The following IST1 variants were observed in gnomAD, a reference collection of about 807,000 sequenced individuals.
The protein encoded by IST1 is IST1 homolog.
A neutral mutation model predicts 37.0 loss-of-function variants in IST1; 23 were observed. That is an observed-to-expected ratio of 0.62 (90% CI 0.45 to 0.88). The LOEUF (loss-of-function observed/expected upper bound fraction) is 0.88, where lower values mean the gene tolerates loss of function less well. IST1 is among the 40% of genes least tolerant of loss of function. IST1 has a pLI of 0.00. For synonymous variants in IST1, 180 were observed against 161.7 expected (o/e 1.11, Z -0.86); for missense variants, 488 against 445.4 (o/e 1.10, Z -0.86).
intron 9 of IST1, among the ~76,000 whole-genome samples, chr16:71,926,495 C>CA (rs1248342382): frequency 2.6e-5 from 4 of 151,950 alleles, no homozygotes; most frequent in Non-Finnish European, 5.9e-5. Context: ...AGGCATCCCC[C>CA]ACCACGCCTG....
intron 1 of IST1, among the ~76,000 whole-genome samples, chr16:71,906,504 G>A (rs1397489524): frequency 2.6e-5 from 4 of 151,318 alleles, no homozygotes; most frequent in Admixed American, 1.3e-4. Flanking sequence ...TCGTAGAGAC[G>A]GGGTTTCACC....
rs781549292 is a variant in IST1 at position 71,913,716 on chromosome 16, G to A, written c.-15-1910G>A. On this transcript the variant is annotated intron_variant, in intron 1 of 9. Transcript: ENST00000378799. ...GGGTTTCTCCATGTTGCCTAGGCTC[G>A]TCTTGAACTCATGGGCTCAAGCAGT... 2.2e-4 allele frequency among the ~76,000 whole-genome samples: 33 copies of A among 151,322 alleles called. 1 individual carries two copies. Among genetic ancestry groups the A allele is most frequent in the Admixed American group, 1.8e-3 (27 of 15,156 alleles).
intron 9 of IST1, among the ~76,000 whole-genome samples, chr16:71,925,154 A>T (rs1435762370): frequency 6.6e-6 from 1 of 150,474 alleles, no homozygotes; most frequent in East Asian, 2.0e-4. Context: ...CTGGGACTAC[A>T]GGCGCCCGCC....
chr16:71,923,521 T>C (rs2037661169), intron 8 of IST1, 141 bp downstream of exon 8: 4 of 524,588 alleles, frequency 7.6e-6, no homozygotes, highest in Non-Finnish European at 1.4e-5. Context: ...TTGTGTTGCT[T>C]TATAACACTA....
intron 1 of IST1, among the ~76,000 whole-genome samples, chr16:71,915,012 G>T (rs2037437613): frequency 6.6e-6 from 1 of 152,150 alleles, no homozygotes; most frequent in South Asian, 2.1e-4. Flanking sequence ...TTGTAGAGCA[G>T]TGTTTTCCTT....
In IST1 at chr16:71,924,642, G is replaced by C. The variant is rs929643168; in HGVS notation, c.853-127G>C. On this transcript the variant is annotated intron_variant, in intron 8 of 9. Coordinates refer to ENST00000378799, the MANE Select transcript of IST1 (RefSeq NM_001270975.2). ...CCTGATTGGAAAAAATGCAGGGGCA[G>C]TTTCTTTGGAACAGGCTCTGTTGCA... The C allele has an allele frequency of 4.1e-6, 3 of 735,504 alleles. No individual in the cohort carries two copies. The African/African-American group carries it at 5.2e-5, about 13-fold the overall frequency. The allele number at this position is 735,504 out of a possible 1,614,324, so 45.6% of individuals were successfully genotyped here. A position where few individuals can be genotyped will look rare whatever the true frequency, so the allele number is the denominator to read the frequency against.
In IST1 at chr16:71,920,724, CCTTTTT is replaced by C; in HGVS notation, c.358-8_358-3del. ...AGTGGTCTCTATTTTTATTTGCTGT[CCTTTTT>C]CTTTTTAGGTTGCTGATCAGCTCTG... is the stretch of plus-strand genomic sequence containing the variant. On this transcript the variant is annotated splice_polypyrimidine_tract_variant and intron_variant, in intron 4 of 9. Coordinates refer to ENST00000378799, the MANE Select transcript of IST1 (RefSeq NM_001270975.2). 1 of 1,604,152 alleles carries C rather than the reference CCTTTTT, an allele frequency of 6.2e-7. No homozygotes were observed. The highest frequency in any genetic ancestry group is 8.5e-7 in the Non-Finnish European group (1 of 1,171,076).
intron 9 of IST1, among the ~76,000 whole-genome samples, chr16:71,927,305 C>G (rs770803305): frequency 2.6e-5 from 4 of 151,834 alleles, no homozygotes; most frequent in South Asian, 2.1e-4. Context: ...CAAGGCCAAC[C>G]TGGTGAAACC....
chr16:71,917,208 C>T (rs771937643), intron 4 of IST1, 74 bp downstream of exon 4: 1 of 865,738 alleles, frequency 1.2e-6, no homozygotes, highest in South Asian at 1.5e-5. Context: ...TAAGTTACTT[C>T]TGCTGATTTG....
At chr16:71,916,389 G>C (rs1597248708) in intron 2 of IST1, 73 bp from the exon 3 acceptor site, 1 of 1,433,074 alleles carries the variant, frequency 7.0e-7, no homozygotes, top group African/African-American at 1.4e-5. Flanking sequence ...TCTTCCTGTT[G>C]GGGGGAGATT....
chr16:71,904,847 T>G (rs2037184780), intron 1 of IST1, among the ~76,000 whole-genome samples: 1 of 152,238 alleles, frequency 6.6e-6, no homozygotes. Flanking sequence ...TCACAATATC[T>G]GTCTTTTAAT....
At chr16:71,926,507 C>T (rs2037747104) in intron 9 of IST1, among the ~76,000 whole-genome samples, 1 of 151,904 alleles carries the variant, frequency 6.6e-6, no homozygotes, top group African/African-American at 2.4e-5. Context: ...CCACGCCTGG[C>T]TAATTTTTTT....
Position 71,911,937 on chromosome 16 carries a change from C to T in IST1, c.-15-3689C>T, listed in dbSNP as rs376905387. Among the ~76,000 whole-genome samples the T allele has an allele frequency of 2.0e-5, 3 of 151,896 alleles. No homozygotes were observed. In the East Asian group the frequency reaches 5.8e-4, roughly 30 times the overall value. On this transcript the variant is annotated intron_variant, in intron 1 of 9. Coordinates refer to ENST00000378799, the MANE Select transcript of IST1 (RefSeq NM_001270975.2). ...TTCACCATGTTGCCCGGGCTGGTCTCACTCCTGAGCTCAAGTCTCTGCCTC... is the reference window on the plus strand; with the variant it reads ...TTCACCATGTTGCCCGGGCTGGTCTTACTCCTGAGCTCAAGTCTCTGCCTC...
Position 71,923,284 on chromosome 16 carries a change from AC to A in IST1, c.760-3del, listed in dbSNP as rs748701788. The A allele has an allele frequency of 1.9e-6, 3 of 1,595,528 alleles. No homozygotes were observed. Among genetic ancestry groups the A allele is most frequent in the Non-Finnish European group, 1.7e-6 (2 of 1,164,698 alleles). On this transcript the variant is annotated splice_polypyrimidine_tract_variant and splice_region_variant and intron_variant, in intron 7 of 9. Coordinates refer to ENST00000378799, the MANE Select transcript of IST1 (RefSeq NM_001270975.2). ...TCTCTGATGTTGCCTTTCTCCTCTT[AC>A]AGTCAGATTTCAATGGACTGCCAAT...
At chr16:71,896,527 G>T (rs1485444141) in intron 1 of IST1, among the ~76,000 whole-genome samples, 1 of 152,026 alleles carries the variant, frequency 6.6e-6, no homozygotes, top group Non-Finnish European at 1.5e-5. Flanking sequence ...TCCTATGTCT[G>T]TATTTTTCTA....
chr16:71,924,374 C>CT, intron 8 of IST1: 3 of 374,090 alleles, frequency 8.0e-6, no homozygotes, highest in South Asian at 6.4e-5. Flanking sequence ...CTTTGGGAGG[C>CT]TTAGGCAGGC....
At chr16:71,915,535 G>T in intron 1 of IST1, 91 bp from the exon 2 acceptor site, 3 of 761,630 alleles carry the variant, frequency 3.9e-6, no homozygotes, top group Non-Finnish European at 6.4e-6. Context: ...AAAACACTCT[G>T]TTTTTGTTTC....
intron 4 of IST1, 151 bp downstream of exon 4, chr16:71,917,285 C>G (rs1027896434): frequency 3.5e-6 from 2 of 570,908 alleles, no homozygotes; most frequent in Admixed American, 3.6e-5. Context: ...TTCTCCCTTT[C>G]AGCCTTATAT....
intron 8 of IST1, 60 bp from the exon 9 acceptor site, chr16:71,924,709 C>A (rs1375740749): frequency 1.5e-6 from 2 of 1,294,778 alleles, no homozygotes; most frequent in Non-Finnish European, 2.3e-6. Context: ...GGGGCTTACA[C>A]CAGTACTTTC....
Sources: allele counts gnomAD v4.1 joint callset (sites outside exome capture counted in the v4.1 genomes callset), GRCh38; gene constraint gnomAD v4.1.1; transcripts MANE v1.5; gene names NCBI Gene and HGNC (gene_info 2026-07-23, HGNC 2026-07-21).